WWC2: variants seen among roughly 807,000 people sequenced by gnomAD.
WWC2 encodes WW and C2 domain containing 2.
WWC2 carries 101 observed loss-of-function variants against 138.5 expected under a neutral mutation model. The observed-to-expected ratio is 0.73, with a 90% CI of 0.62 to 0.86. WWC2 has a LOEUF of 0.86. WWC2 is among the 40% of genes least tolerant of loss of function. WWC2 has a pLI of 0.00. For missense variants in WWC2, 1,420 were observed against 1,419.4 expected, an observed-to-expected ratio of 1.00 and a Z score of -0.01; for synonymous variants, 558 against 538.4, an observed-to-expected ratio of 1.04 and a Z score of -0.50.
At chr4:183,189,125 C>T (rs929793019) in intron 1 of WWC2, among the ~76,000 whole-genome samples, 1 of 151,878 alleles carries the variant, frequency 6.6e-6, no homozygotes, top group Non-Finnish European at 1.5e-5. Context: ...TTGCTAGTTT[C>T]CCTATCTAGT....
At chr4:183,241,250 T>C (rs1333291343) in intron 5 of WWC2, among the ~76,000 whole-genome samples, 5 of 152,242 alleles carry the variant, frequency 3.3e-5, no homozygotes, top group African/African-American at 1.2e-4. Flanking sequence ...GCCACCTCTG[T>C]GGAAAGTACC....
chr4:183,157,496 A>AT lies in WWC2; in HGVS notation c.132-36094dup, dbSNP rs1286688615. Among the ~76,000 whole-genome samples, 144 of 151,590 alleles carry AT rather than the reference A, an allele frequency of 9.5e-4. 1 individual carries two copies. Among genetic ancestry groups the AT allele is most frequent in the African/African-American group, 3.2e-3 (134 of 41,340 alleles). On this transcript the variant is annotated intron_variant, in intron 1 of 22. Transcript: ENST00000403733. ...GGGGAAAGGACTTGTGTGTCACTCA[A>AT]TTTTTTTTTATATATTTATTTTGAG...
intron 1 of WWC2, among the ~76,000 whole-genome samples, chr4:183,142,246 C>G (rs1402029981): frequency 6.6e-6 from 1 of 152,168 alleles, no homozygotes; most frequent in Admixed American, 6.5e-5. Context: ...CCTGGAAATG[C>G]TCAATAAATG....
intron 3 of WWC2, 123 bp downstream of exon 3, chr4:183,208,279 C>T: frequency 9.4e-7 from 1 of 1,064,980 alleles, no homozygotes. Flanking sequence ...GGAAGAGTCT[C>T]TCAAAACCAT....
At chr4:183,114,224 T>C (rs980206532) in intron 1 of WWC2, among the ~76,000 whole-genome samples, 8 of 152,146 alleles carry the variant, frequency 5.3e-5, no homozygotes, top group Non-Finnish European at 1.0e-4. Context: ...GGCCATATGA[T>C]GTGCCTGCTC....
intron 1 of WWC2, among the ~76,000 whole-genome samples, chr4:183,122,090 G>A (rs1732621231): frequency 6.6e-6 from 1 of 151,918 alleles, no homozygotes; most frequent in African/African-American, 2.4e-5. Context: ...CAGCCAAGAA[G>A]CATTTTTTTT....
Position 183,149,500 on chromosome 4 carries a change from T to C in WWC2, c.132-44099T>C, listed in dbSNP as rs183138986. 2.2e-4 allele frequency among the ~76,000 whole-genome samples: 34 copies of C among 152,008 alleles called. 1 individual carries two copies. The highest frequency in any genetic ancestry group is 8.0e-4 in the African/African-American group (33 of 41,484). On this transcript the variant is annotated intron_variant, in intron 1 of 22. Transcript: ENST00000403733. Reference sequence around the variant, plus strand: ...AGCCAGGTGTGGTGGTGTATGCCTGTAATCCCAGCTACTCAGGAGGCTGAG... The same window carrying C: ...AGCCAGGTGTGGTGGTGTATGCCTGCAATCCCAGCTACTCAGGAGGCTGAG...
At chr4:183,261,719 A>G (rs1463358016) in intron 11 of WWC2, among the ~76,000 whole-genome samples, 187 bp downstream of exon 11, 1 of 152,234 alleles carries the variant, frequency 6.6e-6, no homozygotes, top group Non-Finnish European at 1.5e-5. Flanking sequence ...TCAAATAAAA[A>G]TTACCTTCCC....
chr4:183,121,532 T>C (rs1732600984), intron 1 of WWC2, among the ~76,000 whole-genome samples: 1 of 152,144 alleles, frequency 6.6e-6, no homozygotes, highest in African/African-American at 2.4e-5. Context: ...CTCAATCTAA[T>C]AGAGGTGGGT....
rs986908383 is a variant in WWC2, at chr4:183,118,958, C to T, written c.131+19336C>T. ...AATCCTGTCTCTCATCCTCCCCTGA[C>T]AACACTTTACTTCATTCTTAAAGAC... On this transcript the variant is annotated intron_variant, in intron 1 of 22. Coordinates refer to ENST00000403733, the MANE Select transcript of WWC2 (RefSeq NM_024949.6). 2.6e-5 allele frequency among the ~76,000 whole-genome samples: 4 copies of T among 151,940 alleles called. 1 individual carries two copies. The highest frequency in any genetic ancestry group is 9.7e-5 in the African/African-American group (4 of 41,392).
intron 4 of WWC2, among the ~76,000 whole-genome samples, chr4:183,226,095 C>CTTTTCT (rs1553969099): frequency 4.4e-5 from 5 of 113,532 alleles, no homozygotes; most frequent in Non-Finnish European, 6.8e-5. Flanking sequence ...CTTTTCTTTT[C>CTTTTCT]TTTTTTTTTT....
chr4:183,107,803 T>G (rs1732083520), intron 1 of WWC2, among the ~76,000 whole-genome samples: 1 of 151,996 alleles, frequency 6.6e-6, no homozygotes, highest in Admixed American at 6.6e-5. Context: ...TACCCTGGAC[T>G]CTGGGAGATA....
intron 1 of WWC2, among the ~76,000 whole-genome samples, chr4:183,150,618 T>C (rs541740652): frequency 6.6e-6 from 1 of 152,258 alleles, no homozygotes; most frequent in African/African-American, 2.4e-5. Flanking sequence ...CTGTGTTGGT[T>C]TGCTGCGCCC....
At chr4:183,194,335 A>G (rs1735071430) in intron 2 of WWC2, among the ~76,000 whole-genome samples, 1 of 152,114 alleles carries the variant, frequency 6.6e-6, no homozygotes, top group African/African-American at 2.4e-5. Context: ...ACTTTGAAAT[A>G]TTTTTTATAT....
chr4:183,282,117 C>T (rs1323957050), intron 17 of WWC2, among the ~76,000 whole-genome samples: 1 of 152,166 alleles, frequency 6.6e-6, no homozygotes, highest in Non-Finnish European at 1.5e-5. Context: ...CATCCTAGTA[C>T]TCCTGCTTTA....
At chr4:183,301,179 G>A (rs897440217) in intron 21 of WWC2, among the ~76,000 whole-genome samples, 9 of 152,144 alleles carry the variant, frequency 5.9e-5, no homozygotes, top group African/African-American at 1.7e-4. Flanking sequence ...ACCATAGCAA[G>A]ATAGAAGTCA....
At chr4:183,268,558 G>A (rs955668810) in intron 14 of WWC2, among the ~76,000 whole-genome samples, 6 of 152,214 alleles carry the variant, frequency 3.9e-5, no homozygotes, top group South Asian at 4.1e-4. Context: ...TTAATACTCA[G>A]GATGAGGATT....
At chr4:183,152,364 A>G (rs2111119403) in intron 1 of WWC2, among the ~76,000 whole-genome samples, 2 of 151,958 alleles carry the variant, frequency 1.3e-5, no homozygotes. Flanking sequence ...CTTGGCATGT[A>G]GATGTGTGCT....
At chr4:183,107,641 C>G (rs981415494) in intron 1 of WWC2, among the ~76,000 whole-genome samples, 1 of 152,102 alleles carries the variant, frequency 6.6e-6, no homozygotes, top group African/African-American at 2.4e-5. Flanking sequence ...CTTACTTGAT[C>G]AATAAAAAGT....
Sources: gnomAD v4.1 joint callset for allele counts (sites outside exome capture counted in the v4.1 genomes callset) on GRCh38, gnomAD v4.1.1 for gene constraint, MANE v1.5 for transcripts, NCBI Gene and HGNC (gene_info 2026-07-23, HGNC 2026-07-21) for gene names.